The following UTS2 variants were observed in gnomAD, a reference collection of about 807,000 sequenced individuals.
UTS2 encodes the protein urotensin-2.
A neutral mutation model predicts 12.6 loss-of-function variants in UTS2; 10 were observed. The ratio of observed to expected loss-of-function variants is 0.80; its 90% confidence interval spans 0.49 to 1.35. The LOEUF is 1.35. Among genes scored for constraint, UTS2 ranks in the 40% most tolerant of loss-of-function variants. UTS2 has a pLI of 0.00. For synonymous variants in UTS2, 52 were observed against 50.0 expected (o/e 1.04, Z -0.17); for missense variants, 142 against 143.2 (o/e 0.99, Z 0.04).
chr1:7,869,486 T>C, the UTS2 span, among the ~76,000 whole-genome samples: 1 of 151,982 alleles, frequency 6.6e-6, no homozygotes, highest in Non-Finnish European at 1.5e-5. Flanking sequence ...CAGGCCGAGG[T>C]TTTTATAACA....
At chr1:7,893,648 A>G in the UTS2 span, among the ~76,000 whole-genome samples, 1 of 152,194 alleles carries the variant, frequency 6.6e-6, no homozygotes, top group African/African-American at 2.4e-5. Context: ...CTCTAAGACC[A>G]TGAGCTGAAT....
chr1:7,868,459 G>C, the UTS2 span, among the ~76,000 whole-genome samples: 10 of 152,142 alleles, frequency 6.6e-5, no homozygotes, highest in African/African-American at 2.4e-4. Context: ...TCGGCCCTGT[G>C]GGGTAGCAGG....
chr1:7,884,459 A>C, the UTS2 span, among the ~76,000 whole-genome samples: 1 of 151,720 alleles, frequency 6.6e-6, no homozygotes, highest in Non-Finnish European at 1.5e-5. Flanking sequence ...ACACCACCAC[A>C]CCCAGCTAAT....
chr1:7,890,269 T>G, the UTS2 span, among the ~76,000 whole-genome samples: 2 of 152,108 alleles, frequency 1.3e-5, no homozygotes, highest in African/African-American at 2.4e-5. Context: ...CTCCTCAGCT[T>G]CTTCACATTC....
At chr1:7,858,715 C>G in the UTS2 span, among the ~76,000 whole-genome samples, 2 of 152,120 alleles carry the variant, frequency 1.3e-5, no homozygotes, top group Non-Finnish European at 1.5e-5. Flanking sequence ...TCCCAAGTAG[C>G]TGGGATTACA....
chr1:7,886,697 G>A, the UTS2 span, among the ~76,000 whole-genome samples: 1 of 152,010 alleles, frequency 6.6e-6, no homozygotes, highest in Non-Finnish European at 1.5e-5. Flanking sequence ...AATTGGCACC[G>A]CCATTACATT....
chr1:7,868,774 A>G, the UTS2 span, among the ~76,000 whole-genome samples: 141 of 152,352 alleles, frequency 9.3e-4, 1 homozygote, highest in Non-Finnish European at 5.0e-4. Context: ...AATTCATACA[A>G]TCAAGCCCTA....
chr1:7,885,916 GGC>G, the UTS2 span, among the ~76,000 whole-genome samples: 321 of 85,894 alleles, frequency 3.7e-3, 10 homozygotes, highest in Middle Eastern at 0.019. Flanking sequence ...GGTGGGGGGG[GGC>G]GGGTGGAGGT....
chr1:7,861,095 C>T, the UTS2 span, among the ~76,000 whole-genome samples: 1 of 150,770 alleles, frequency 6.6e-6, no homozygotes, highest in Admixed American at 6.6e-5. Context: ...AGGTCAGATC[C>T]CTGCATCTGT....
At chr1:7,912,393 T>C in the UTS2 span, among the ~76,000 whole-genome samples, 207 of 152,158 alleles carry the variant, frequency 1.4e-3, 1 homozygote, top group Non-Finnish European at 2.5e-3. Context: ...AGTCTTTCAT[T>C]TGCATAAACA....
chr1:7,910,550 G>A, the UTS2 span, among the ~76,000 whole-genome samples: 2 of 152,066 alleles, frequency 1.3e-5, no homozygotes, highest in African/African-American at 2.4e-5. Flanking sequence ...AAAAATTGAC[G>A]TCTGTATCTT....
the UTS2 span, among the ~76,000 whole-genome samples, chr1:7,890,519 A>C: frequency 1.3e-5 from 2 of 152,192 alleles, no homozygotes; most frequent in African/African-American, 4.8e-5. Context: ...TTCAAGGAAC[A>C]CATCCTAGGG....
At chr1:7,908,611 G>A in the UTS2 span, among the ~76,000 whole-genome samples, 1 of 151,944 alleles carries the variant, frequency 6.6e-6, no homozygotes, top group Non-Finnish European at 1.5e-5. Flanking sequence ...TTTCCCCTCT[G>A]ATTTAGAAAT....
the UTS2 span, among the ~76,000 whole-genome samples, chr1:7,908,352 G>A: frequency 1.3e-5 from 2 of 148,714 alleles, no homozygotes; most frequent in Non-Finnish European, 3.0e-5. Flanking sequence ...TGAAATCCCA[G>A]CTACTTGGGA....
the UTS2 span, among the ~76,000 whole-genome samples, chr1:7,890,976 C>CTG: frequency 6.7e-6 from 1 of 148,740 alleles, no homozygotes; most frequent in African/African-American, 2.5e-5. Flanking sequence ...CACCCCCCCC[C>CTG]ACAAAACTGG....
At chr1:7,878,340 G>C in the UTS2 span, among the ~76,000 whole-genome samples, 1 of 152,082 alleles carries the variant, frequency 6.6e-6, no homozygotes, top group Non-Finnish European at 1.5e-5. Context: ...ACACACAAAA[G>C]TATAAAACTC....
the UTS2 span, among the ~76,000 whole-genome samples, chr1:7,870,543 C>G: frequency 2.0e-5 from 3 of 152,208 alleles, no homozygotes; most frequent in South Asian, 2.1e-4. Context: ...GTAAATTCTG[C>G]GTAGTGCATC....
At chr1:7,908,492 T>C in the UTS2 span, among the ~76,000 whole-genome samples, 8 of 143,356 alleles carry the variant, frequency 5.6e-5, no homozygotes, top group African/African-American at 1.6e-4. Context: ...GGATCATGAC[T>C]AGTAAACTAA....
At chr1:7,899,411 T>C in the UTS2 span, among the ~76,000 whole-genome samples, 2 of 152,362 alleles carry the variant, frequency 1.3e-5, no homozygotes, top group South Asian at 2.1e-4. Context: ...ATGTTTACTT[T>C]GAGTCGATGC....
Sources: gnomAD v4.1 joint callset for allele counts (sites outside exome capture counted in the v4.1 genomes callset) on GRCh38, gnomAD v4.1.1 for gene constraint, MANE v1.5 for transcripts, NCBI Gene and HGNC (gene_info 2026-07-23, HGNC 2026-07-21) for gene names.